GOLPH3: variants seen among roughly 807,000 people sequenced by gnomAD.
GOLPH3 encodes the protein golgi phosphoprotein 3, also known as coat protein GPP34.
In GOLPH3, 14 loss-of-function variants were observed where a neutral mutation model predicts 28.5. The observed-to-expected ratio is 0.49, with a 90% CI of 0.32 to 0.77. GOLPH3 has a LOEUF of 0.77. Ranked by LOEUF, GOLPH3 falls within the 30% of genes least tolerant of loss-of-function variation. The pLI, the probability that GOLPH3 is intolerant of heterozygous loss-of-function variation, is 0.03. For missense variants in GOLPH3, 350 were observed against 393.7 expected, an observed-to-expected ratio of 0.89 and a Z score of 0.94; for synonymous variants, 158 against 159.2, an observed-to-expected ratio of 0.99 and a Z score of 0.06.
chr5:32,159,424 AAG>A (rs1746526634), intron 1 of GOLPH3, among the ~76,000 whole-genome samples: 1 of 152,238 alleles, frequency 6.6e-6, no homozygotes, highest in Non-Finnish European at 1.5e-5. Context: ...CAGCACTGAA[AAG>A]GTTTCAAATT....
At position 32,151,262 on chromosome 5, in the gene GOLPH3, T is replaced by TAC. The variant is rs539978521; in HGVS notation, c.226-7384_226-7383dup. Among the ~76,000 whole-genome samples the TAC allele has an allele frequency of 1.5e-4, 23 of 151,930 alleles. No homozygotes were observed. In the South Asian group the frequency reaches 4.4e-3, roughly 29 times the overall value. Reference sequence around the variant, plus strand: ...TATTTTGAGGCCAGGCACAGTGGCTTACACCCGTAATCCCAGCACTTTGGG... The same window carrying TAC: ...TATTTTGAGGCCAGGCACAGTGGCTTACACACCCGTAATCCCAGCACTTTGGG... On this transcript the variant is annotated intron_variant, in intron 1 of 3. Coordinates refer to ENST00000265070, the MANE Select transcript of GOLPH3 (RefSeq NM_022130.4).
At chr5:32,137,109 G>GCCA (rs1480474438) in intron 2 of GOLPH3, among the ~76,000 whole-genome samples, 2 of 151,584 alleles carry the variant, frequency 1.3e-5, no homozygotes, top group African/African-American at 4.9e-5. Flanking sequence ...ACAGGTGTGT[G>GCCA]CCACCACGCC....
Position 32,135,624 on chromosome 5 carries a change from A to C in GOLPH3, c.420T>G (p.Val140=), listed in dbSNP as rs1412818816. 1.9e-6 allele frequency: 3 copies of C among 1,613,862 alleles called. No individual in the cohort carries two copies. Among genetic ancestry groups the C allele is most frequent in the African/African-American group, 2.7e-5 (2 of 74,936 alleles). ...DVLLDEALKH[V]KETQPPETVQ... The stretch of plus-strand genomic sequence containing the variant: ...CCGTTTCTGGAGGCTGAGTTTCCTT[A>C]ACATGCTTCAGAGCTTCATCAAGAA... The change falls in exon 3 of 4, where the codon GTT becomes GTG. Residue 140 remains valine (V), a synonymous_variant. Transcript: ENST00000265070.
At chr5:32,155,388 G>A (rs1033774696) in intron 1 of GOLPH3, among the ~76,000 whole-genome samples, 29 of 152,084 alleles carry the variant, frequency 1.9e-4, no homozygotes, top group African/African-American at 4.8e-4. Flanking sequence ...ATCTCACTAC[G>A]TTGTCCAGGC....
intron 1 of GOLPH3, among the ~76,000 whole-genome samples, chr5:32,166,833 G>A (rs1187076491): frequency 6.6e-6 from 1 of 151,426 alleles, no homozygotes; most frequent in Non-Finnish European, 1.5e-5. Flanking sequence ...GCAGGAGGAG[G>A]ACAAGCACTG....
intron 2 of GOLPH3, among the ~76,000 whole-genome samples, chr5:32,142,736 C>T (rs1213831766): frequency 2.7e-5 from 4 of 145,508 alleles, no homozygotes; most frequent in Non-Finnish European, 4.5e-5. Flanking sequence ...CCGCCCCGTC[C>T]GGGAGGTGAG....
intron 1 of GOLPH3, among the ~76,000 whole-genome samples, chr5:32,160,824 T>G (rs913737600): frequency 2.0e-5 from 3 of 152,180 alleles, no homozygotes; most frequent in Non-Finnish European, 4.4e-5. Context: ...TCCCAGCACT[T>G]TGGGAGGCCA....
chr5:32,148,282 A>G (rs1442281584), intron 1 of GOLPH3, among the ~76,000 whole-genome samples: 2 of 152,242 alleles, frequency 1.3e-5, no homozygotes, highest in African/African-American at 4.8e-5. Flanking sequence ...TAAACAAAAC[A>G]TATCTGGCAA....
intron 1 of GOLPH3, among the ~76,000 whole-genome samples, chr5:32,169,545 A>T (rs925499367): frequency 6.6e-6 from 1 of 152,200 alleles, no homozygotes; most frequent in African/African-American, 2.4e-5. Context: ...TGGCCACTGA[A>T]AATAATTAAA....
intron 1 of GOLPH3, among the ~76,000 whole-genome samples, chr5:32,165,226 T>C (rs965799479): frequency 2.0e-5 from 3 of 152,148 alleles, no homozygotes; most frequent in African/African-American, 7.2e-5. Flanking sequence ...GTATTCTTAA[T>C]GTGAGTAATG....
Position 32,126,117 on chromosome 5 carries a change from T to C in GOLPH3, c.*95A>G, listed in dbSNP as rs1240586516. On this transcript the variant is annotated 3_prime_UTR_variant, in exon 4 of 4. Transcript: ENST00000265070. ...TTTGTAAAACAGAAGCCAATTATAG[T>C]GTGGGAAAGTACAAATTACAGAAAA... 3.9e-6 allele frequency: 5 copies of C among 1,266,766 alleles called. No homozygotes were observed. The highest frequency in any genetic ancestry group is 3.0e-5 in the African/African-American group (2 of 66,548). 78.5% of individuals were successfully genotyped at this position (1,266,766 alleles called of 1,614,324 possible).
chr5:32,160,936 G>C (rs945173877), intron 1 of GOLPH3, among the ~76,000 whole-genome samples: 1 of 151,906 alleles, frequency 6.6e-6, no homozygotes, highest in Admixed American at 6.6e-5. Flanking sequence ...GCGTGGTGGC[G>C]GGTGCCTGTA....
At chr5:32,167,048 T>G (rs1343392405) in intron 1 of GOLPH3, among the ~76,000 whole-genome samples, 1 of 152,174 alleles carries the variant, frequency 6.6e-6, no homozygotes, top group African/African-American at 2.4e-5. Context: ...TAATGCCTGA[T>G]GCCTCCAGGG....
chr5:32,128,142 G>A (rs189382872), intron 3 of GOLPH3, among the ~76,000 whole-genome samples: 103 of 152,336 alleles, frequency 6.8e-4, no homozygotes, highest in African/African-American at 1.8e-3. Context: ...AGCTACATGT[G>A]TTAGGGTGAG....
In GOLPH3 at chr5:32,173,935, C is replaced by A. The variant is rs11541492; in HGVS notation, c.100G>T (p.Gly34Cys). ...CTCTGCGCGTCGTCCTCGCTGCTGC[C>A]GGCGCCGCCGCCCGCCGCCCGCTCC... ...DKERAAGGGA[G>C]SSEDDAQSRR... Residue 34 changes from glycine (G) to cysteine (C), a missense_variant, in exon 1 of 4, where the codon GGC becomes TGC. Gly to Cys is a radical substitution (Grantham distance 159, BLOSUM62 -3). Coordinates refer to ENST00000265070, the MANE Select transcript of GOLPH3 (RefSeq NM_022130.4). 1.3e-6 allele frequency: 2 copies of A among 1,483,042 alleles called. No individual in the cohort carries two copies. The highest frequency in any genetic ancestry group is 1.5e-5 in the African/African-American group (1 of 68,826). The allele number at this position is 1,483,042 out of a possible 1,614,324, so 91.9% of individuals were successfully genotyped here.
rs1315028979 is a variant in GOLPH3 at position 32,125,034 on chromosome 5, G to T, written c.*1178C>A. The T allele has an allele frequency of 1.3e-5, 2 of 152,602 alleles. No homozygotes were observed. The highest frequency in any genetic ancestry group is 6.5e-5 in the Admixed American group (1 of 15,272). The allele number at this position is 152,602 out of a possible 1,614,324, so 9.5% of individuals were successfully genotyped here. A position where few individuals can be genotyped will look rare whatever the true frequency, so the allele number is the denominator to read the frequency against. ...AAGCAAAGGTTTATAGTCTGACAAT[G>T]CTAATTATCCTAATTGTATATAAAA... On this transcript the variant is annotated 3_prime_UTR_variant, in exon 4 of 4. Transcript: ENST00000265070.
In GOLPH3 at chr5:32,126,566, C is replaced by T. The variant is rs1208598261; in HGVS notation, c.543G>A (p.Leu181=). 6.2e-7 allele frequency: 1 copy of T among 1,614,034 alleles called. No individual in the cohort carries two copies. The highest frequency in any genetic ancestry group is 1.7e-5 in the Admixed American group (1 of 60,008). Residue 181 remains leucine (L), a synonymous_variant, in exon 4 of 4, where the codon CTG becomes CTA. Transcript: ENST00000265070. ...RNVRERLAKN[L]VEKGVLTTEK... Reference sequence around the variant, plus strand: ...CTGTTGTCAATACACCCTTTTCCACCAGGTTTTTAGCTAATCGTTCCCGTA... The same window carrying T: ...CTGTTGTCAATACACCCTTTTCCACTAGGTTTTTAGCTAATCGTTCCCGTA...
intron 1 of GOLPH3, among the ~76,000 whole-genome samples, chr5:32,169,053 C>G (rs1358408480): frequency 6.6e-6 from 1 of 151,974 alleles, no homozygotes. Context: ...GCGGGAGGAT[C>G]ACTTGATCCC....
intron 3 of GOLPH3, among the ~76,000 whole-genome samples, chr5:32,133,127 CA>C (rs1745858699): frequency 6.6e-6 from 1 of 152,222 alleles, no homozygotes; most frequent in African/African-American, 2.4e-5. Context: ...CAGTGCTTTA[CA>C]AAATCCTAAC....
Sources: allele counts gnomAD v4.1 joint callset (sites outside exome capture counted in the v4.1 genomes callset), GRCh38; gene constraint gnomAD v4.1.1; transcripts MANE v1.5; gene names NCBI Gene and HGNC (gene_info 2026-07-23, HGNC 2026-07-21).